Variants in PNISR observed in about 807,000 individuals in gnomAD.
PNISR encodes PNN interacting serine and arginine rich protein, also known as arginine/serine-rich protein PNISR.
A neutral mutation model predicts 93.4 loss-of-function variants in PNISR; 20 were observed. That is an observed-to-expected ratio of 0.21 (90% CI 0.15 to 0.31). PNISR has a LOEUF of 0.31. PNISR is among the 10% of genes least tolerant of loss of function. PNISR has a pLI of 1.00. For missense variants in PNISR, 893 were observed against 985.4 expected, an observed-to-expected ratio of 0.91 and a Z score of 1.25; for synonymous variants, 305 against 306.5, an observed-to-expected ratio of 0.99 and a Z score of 0.05.
At position 99,425,271 on chromosome 6, in the gene PNISR, C is replaced by T. The variant is rs1485906351; in HGVS notation, c.-168G>A. Reference sequence around the variant, plus strand: ...CCGTTCCGGTAACACCTCTCCAACGCTTTCGATGCTTCTACTTCTTCGGGA... The same window carrying T: ...CCGTTCCGGTAACACCTCTCCAACGTTTTCGATGCTTCTACTTCTTCGGGA... On this transcript the variant is annotated 5_prime_UTR_variant, in exon 1 of 12. Transcript: ENST00000369239. 3.2e-6 allele frequency: 4 copies of T among 1,232,200 alleles called. No individual in the cohort carries two copies. The highest frequency in any genetic ancestry group is 3.0e-6 in the Non-Finnish European group (3 of 987,966). 76.3% of individuals were successfully genotyped at this position (1,232,200 alleles called of 1,614,324 possible).
At position 99,406,100 on chromosome 6, in the gene PNISR, A is replaced by G; in HGVS notation, c.933T>C (p.Ser311=). 6.2e-7 allele frequency: 1 copy of G among 1,606,438 alleles called. No homozygotes were observed. The highest frequency in any genetic ancestry group is 8.5e-7 in the Non-Finnish European group (1 of 1,173,050). ...EAASSGKVTR[S]PSPVPQEEHS... Reference sequence around the variant, plus strand: ...GCTCTTCTTGAGGAACTGGGGATGGACTTCTGGTGACTTTCCCACTACTTG... The same window carrying G: ...GCTCTTCTTGAGGAACTGGGGATGGGCTTCTGGTGACTTTCCCACTACTTG... Residue 311 remains serine, a synonymous_variant, in exon 8 of 12, where the codon AGT becomes AGC. Coordinates refer to ENST00000369239, the MANE Select transcript of PNISR (RefSeq NM_032870.4).
intron 1 of PNISR, among the ~76,000 whole-genome samples, chr6:99,420,854 GT>G (rs1418540647): frequency 1.3e-5 from 2 of 152,144 alleles, no homozygotes; most frequent in Non-Finnish European, 2.9e-5. Flanking sequence ...AAATTTTCAT[GT>G]TTTTGTCTTG....
rs950003780 is a variant in PNISR at position 99,400,455 on chromosome 6, A to G, written c.*85T>C. The G allele has an allele frequency of 2.7e-6, 4 of 1,496,566 alleles. No individual in the cohort carries two copies. The highest frequency in any genetic ancestry group is 2.3e-5 in the Admixed American group (1 of 42,890). The allele number at this position is 1,496,566 out of a possible 1,614,324, so 92.7% of individuals were successfully genotyped here. ...ATCAAGTACCAAACTGAGTTTATTA[A>G]AGAGAGAGAGAAAGGACACTTTCAA... On this transcript the variant is annotated 3_prime_UTR_variant, in exon 12 of 12. Coordinates refer to ENST00000369239, the MANE Select transcript of PNISR (RefSeq NM_032870.4).
intron 2 of PNISR, chr6:99,415,675 A>C (rs1165346799): frequency 6.6e-6 from 1 of 152,314 alleles, no homozygotes; most frequent in East Asian, 1.9e-4. Context: ...TTGTATCCCA[A>C]GGCTTAGTTC....
At chr6:99,403,922 A>G in intron 9 of PNISR, 40 bp from the exon 10 acceptor site, 1 of 1,475,108 alleles carries the variant, frequency 6.8e-7, no homozygotes, top group South Asian at 1.1e-5. Context: ...ATGTTAACAC[A>G]AATAGCCACG....
rs71564268 is a variant in PNISR, at chr6:99,424,148, G to A, written c.-112+1067C>T. On this transcript the variant is annotated intron_variant, in intron 1 of 11. Transcript: ENST00000369239. ...AAACTGTCACAGCCAAGAATATACA[G>A]CCTAAGAATATACAACAACTAAATG... Among the ~76,000 whole-genome samples, 1,139 of 152,194 alleles carry A rather than the reference G, an allele frequency of 7.5e-3. 5 individuals are homozygous for A. The highest frequency in any genetic ancestry group is 0.012 in the Non-Finnish European group (807 of 68,014).
chr6:99,416,786 A>G (rs1294570554), intron 1 of PNISR, among the ~76,000 whole-genome samples: 2 of 152,242 alleles, frequency 1.3e-5, no homozygotes, highest in Non-Finnish European at 2.9e-5. Context: ...AGGTAATAAA[A>G]TGTATTAATT....
At position 99,417,833 on chromosome 6, in the gene PNISR, C is replaced by T. The variant is rs1245719751; in HGVS notation, c.-111-1405G>A. On this transcript the variant is annotated intron_variant, in intron 1 of 11. Transcript: ENST00000369239. ...AAATACAAAAATTAGCCGGGCGTGG[C>T]GGCGGGCTCCTGTAATCCCAGCTAC... Among the ~76,000 whole-genome samples the T allele has an allele frequency of 8.6e-5, 13 of 151,740 alleles. No homozygotes were observed. The East Asian group carries it at 1.2e-3, about 14-fold the overall frequency.
In PNISR at chr6:99,402,580, T is replaced by C; in HGVS notation, c.1287A>G (p.Lys429=). 1 of 1,613,704 alleles carries C rather than the reference T, an allele frequency of 6.2e-7. No homozygotes were observed. The highest frequency in any genetic ancestry group is 8.5e-7 in the Non-Finnish European group (1 of 1,179,714). ...IRQKQEAFWR[K]EKEQQLLHDK... ...CATGTAATAGCTGCTGTTCTTTTTC[T>C]TTTCTCCAAAAAGCTTCCTGTTTTT... The change falls in exon 11 of 12, where the codon AAA becomes AAG. Residue 429 remains lysine (K), a synonymous_variant. Transcript: ENST00000369239.
In PNISR at chr6:99,399,083, G is replaced by C. The variant is rs1368815649; in HGVS notation, c.*1457C>G. ...TCTATCTTCATGTTGAGGAAACACT[G>C]ATCTTGGCAAAAATCTGGCATGATT... On this transcript the variant is annotated 3_prime_UTR_variant, in exon 12 of 12. Coordinates refer to ENST00000369239, the MANE Select transcript of PNISR (RefSeq NM_032870.4). 6 of 152,074 alleles carry C rather than the reference G, an allele frequency of 3.9e-5. No individual in the cohort carries two copies. Among genetic ancestry groups the C allele is most frequent in the Non-Finnish European group, 8.8e-5 (6 of 67,944 alleles). 9.4% of individuals were successfully genotyped at this position (152,074 alleles called of 1,614,324 possible).
At chr6:99,423,294 A>G (rs990813776) in intron 1 of PNISR, among the ~76,000 whole-genome samples, 1 of 152,258 alleles carries the variant, frequency 6.6e-6, no homozygotes. Flanking sequence ...CCACAAGCCC[A>G]TAAGGATATG....
intron 10 of PNISR, chr6:99,402,922 C>T (rs1040899975): frequency 2.6e-6 from 1 of 385,172 alleles, no homozygotes; most frequent in Admixed American, 4.0e-5. Context: ...TCTTTCTGGA[C>T]TATTTCATAT....
chr6:99,418,603 G>A (rs1778056914), intron 1 of PNISR, among the ~76,000 whole-genome samples: 2 of 152,038 alleles, frequency 1.3e-5, no homozygotes, highest in South Asian at 4.1e-4. Context: ...CCAAAGTTTT[G>A]ATGGAAGCTA....
At chr6:99,422,518 T>A (rs1778698314) in intron 1 of PNISR, among the ~76,000 whole-genome samples, 1 of 152,226 alleles carries the variant, frequency 6.6e-6, no homozygotes, top group South Asian at 2.1e-4. Flanking sequence ...ATTTTGCTAC[T>A]TTATGTGACA....
rs968834917 is a variant in PNISR, at chr6:99,419,166, AAAAAAAAAAAAAAAAAAAAAAAAAG to A, written c.-111-2763_-111-2739del. 3.6e-4 allele frequency among the ~76,000 whole-genome samples: 47 copies of A among 130,934 alleles called. 2 individuals are homozygous for A. Among genetic ancestry groups the A allele is most frequent in the South Asian group, 1.5e-3 (6 of 3,954 alleles). The allele number at this position is 130,934 out of a possible 152,430, so 85.9% of individuals were successfully genotyped here. A position where few individuals can be genotyped will look rare whatever the true frequency, so the allele number is the denominator to read the frequency against. On this transcript the variant is annotated intron_variant, in intron 1 of 11. Coordinates refer to ENST00000369239, the MANE Select transcript of PNISR (RefSeq NM_032870.4). ...AGACTCCGTCTCAAAAAAAAAAAAAAAAAAAAAAAAAAAAAAAAAAAAAAGGGCAATTTACCATTATGGCATCTTA... is the reference window on the plus strand; with the variant it reads ...AGACTCCGTCTCAAAAAAAAAAAAAAGGCAATTTACCATTATGGCATCTTA...
chr6:99,402,911 T>C, intron 10 of PNISR: 1 of 411,692 alleles, frequency 2.4e-6, no homozygotes, highest in South Asian at 7.6e-5. Context: ...TAATATCTTA[T>C]TCTTTCTGGA....
At position 99,412,540 on chromosome 6, in the gene PNISR, A is replaced by G. The variant is rs1777078220; in HGVS notation, c.277+11T>C. 2 of 1,554,466 alleles carry G rather than the reference A, an allele frequency of 1.3e-6. No individual in the cohort carries two copies. The highest frequency in any genetic ancestry group is 2.2e-5 in the East Asian group (1 of 44,516). On this transcript the variant is annotated intron_variant, in intron 4 of 11. Coordinates refer to ENST00000369239, the MANE Select transcript of PNISR (RefSeq NM_032870.4). ...AAAAGTCTTAAAATTGTGAAAACATAAACAACAAACCTGGTTGCCACATTC... is the reference window on the plus strand; with the variant it reads ...AAAAGTCTTAAAATTGTGAAAACATGAACAACAAACCTGGTTGCCACATTC...
intron 1 of PNISR, among the ~76,000 whole-genome samples, chr6:99,420,075 G>A (rs994325824): frequency 6.6e-6 from 1 of 152,130 alleles, no homozygotes; most frequent in Non-Finnish European, 1.5e-5. Context: ...AGTGGAGACA[G>A]GGTTTCACCC....
intron 7 of PNISR, among the ~76,000 whole-genome samples, chr6:99,407,549 A>C (rs978613086): frequency 6.6e-6 from 1 of 152,202 alleles, no homozygotes; most frequent in African/African-American, 2.4e-5. Flanking sequence ...ATGGCCGTGC[A>C]AGACAGACAA....
Sources: gnomAD v4.1 joint callset for allele counts (sites outside exome capture counted in the v4.1 genomes callset) on GRCh38, gnomAD v4.1.1 for gene constraint, MANE v1.5 for transcripts, NCBI Gene and HGNC (gene_info 2026-07-23, HGNC 2026-07-21) for gene names.